DKK2: variants seen among roughly 807,000 people sequenced by gnomAD.
DKK2 encodes the protein dickkopf Wnt signaling pathway inhibitor 2, also known as dickkopf-related protein 2.
Under a neutral mutation model 28.1 loss-of-function variants are expected in DKK2, and 11 were observed. The ratio of observed to expected loss-of-function variants is 0.39; its 90% CI spans 0.25 to 0.65. DKK2 has a LOEUF of 0.65. Among genes scored for constraint, DKK2 ranks in the 30% least tolerant of loss-of-function variants. DKK2 has a pLI of 0.47. For synonymous variants in DKK2, 135 were observed against 126.5 expected, an observed-to-expected ratio of 1.07 and a Z score of -0.45; for missense variants, 326 against 335.5, an observed-to-expected ratio of 0.97 and a Z score of 0.22.
chr4:107,034,566 G>C (rs17037297), intron 1 of DKK2, among the ~76,000 whole-genome samples: 8,636 of 152,244 alleles, frequency 0.057, 464 homozygotes, highest in East Asian at 0.24. Context: ...CCTGCGGAAA[G>C]TTCCCTCTCT....
intron 1 of DKK2, among the ~76,000 whole-genome samples, chr4:107,031,291 G>T (rs73837549): frequency 0.015 from 2,264 of 151,948 alleles, 57 homozygotes; most frequent in African/African-American, 0.052. Flanking sequence ...TTGGGCTGAG[G>T]TTAGAAAAAA....
intron 1 of DKK2, among the ~76,000 whole-genome samples, chr4:107,020,552 A>T (rs1314274651): frequency 2.0e-5 from 3 of 152,086 alleles, no homozygotes; most frequent in African/African-American, 4.8e-5. Flanking sequence ...TGCATTTTTT[A>T]AAAAATAACT....
In DKK2 at chr4:106,925,819, G is replaced by A; in HGVS notation, c.353C>T (p.Pro118Leu). ...KRCHRDGMCCPSTRCNNGICI... is the reference protein window; with the variant it reads ...KRCHRDGMCCLSTRCNNGICI... ...TTTACCATTATTGCAGCGGGTACTG[G>A]GGCAGCACATGCCATCTCGGTGGCA... Residue 118 changes from proline (P) to leucine (L), a missense_variant, in exon 2 of 4, where the codon CCC becomes CTC. Coordinates refer to ENST00000285311, the MANE Select transcript of DKK2 (RefSeq NM_014421.3). 1 of 1,612,272 alleles carries A rather than the reference G, an allele frequency of 6.2e-7. No individual in the cohort carries two copies. Among genetic ancestry groups the A allele is most frequent in the South Asian group, 1.1e-5 (1 of 90,972 alleles).
chr4:106,995,860 T>A (rs1723265053), intron 1 of DKK2, among the ~76,000 whole-genome samples: 1 of 152,152 alleles, frequency 6.6e-6, no homozygotes. Context: ...ATCCACCCGC[T>A]TCTGCCTCCC....
chr4:106,955,103 A>G (rs1722570514), intron 1 of DKK2, among the ~76,000 whole-genome samples: 1 of 152,194 alleles, frequency 6.6e-6, no homozygotes, highest in South Asian at 2.1e-4. Context: ...AGTAATAATG[A>G]ACAAGACATA....
At position 106,924,554 on chromosome 4, in the gene DKK2, G is replaced by A; in HGVS notation, c.520C>T (p.His174Tyr). Residue 174 changes from histidine to tyrosine, a missense_variant, in exon 3 of 4, where the codon CAT becomes TAT. Physicochemically the swap from His to Tyr is moderately conservative, Grantham distance 83. Transcript: ENST00000285311. Reference sequence around the variant, plus strand: ...CTACAGATATCCCTACCTTTTATATGTGACATCTTAGTGTGTGGTCTTCCT... The same window carrying A: ...CTACAGATATCCCTACCTTTTATATATGACATCTTAGTGTGTGGTCTTCCT... Reference protein sequence around the residue: ...NLGRPHTKMSHIKGHEGDPCL... With the variant: ...NLGRPHTKMSYIKGHEGDPCL... 6.2e-7 allele frequency: 1 copy of A among 1,613,256 alleles called. No individual in the cohort carries two copies. The highest frequency in any genetic ancestry group is 8.5e-7 in the Non-Finnish European group (1 of 1,179,536).
chr4:107,021,962 T>C (rs908863686), intron 1 of DKK2, among the ~76,000 whole-genome samples: 5 of 152,122 alleles, frequency 3.3e-5, no homozygotes, highest in African/African-American at 1.2e-4. Context: ...TTACATTTTC[T>C]GTTAATGAGG....
chr4:107,013,545 G>A (rs954447297), intron 1 of DKK2, among the ~76,000 whole-genome samples: 1 of 151,324 alleles, frequency 6.6e-6, no homozygotes, highest in Non-Finnish European at 1.5e-5. Flanking sequence ...ACTTAGAATG[G>A]ATTAACTACT....
chr4:106,935,459 G>C (rs1724567818), intron 1 of DKK2, among the ~76,000 whole-genome samples: 1 of 152,192 alleles, frequency 6.6e-6, no homozygotes, highest in African/African-American at 2.4e-5. Flanking sequence ...TGGCTCGGAG[G>C]GTCCTACACC....
chr4:106,938,590 A>C (rs2110342740), intron 1 of DKK2, among the ~76,000 whole-genome samples: 2 of 152,332 alleles, frequency 1.3e-5, no homozygotes, highest in Middle Eastern at 6.8e-3. Context: ...AAAAAGAGGG[A>C]ATCCTCCCTA....
rs191600414 is a variant in DKK2, at chr4:106,939,107, G to T, written c.223-13158C>A. ...ATTCAACATAGTGTTGGACGTTTTG[G>T]CCAGGGCAATTAGGCAGGAGAAGGA... On this transcript the variant is annotated intron_variant, in intron 1 of 3. Transcript: ENST00000285311. Among the ~76,000 whole-genome samples the T allele has an allele frequency of 3.0e-3, 458 of 152,276 alleles. 3 individuals carry two copies. The highest frequency in any genetic ancestry group is 3.1e-3 in the Non-Finnish European group (210 of 68,034).
intron 1 of DKK2, among the ~76,000 whole-genome samples, chr4:107,013,821 A>T (rs1723549041): frequency 6.6e-6 from 1 of 151,614 alleles, no homozygotes; most frequent in African/African-American, 2.4e-5. Context: ...TAGACTATAT[A>T]AGGAACTCAA....
At chr4:106,961,565 G>GCACACACACACACACACACACA (rs34597899) in intron 1 of DKK2, among the ~76,000 whole-genome samples, 1,909 of 136,202 alleles carry the variant, frequency 0.014, 16 homozygotes, top group Non-Finnish European at 0.021. Flanking sequence ...CCAACAGCCT[G>GCACACACACACACACACACACA]CACACACACA....
chr4:106,999,657 G>A (rs1031423163), intron 1 of DKK2, among the ~76,000 whole-genome samples: 2 of 152,012 alleles, frequency 1.3e-5, no homozygotes, highest in Non-Finnish European at 2.9e-5. Context: ...GTATCTTTTT[G>A]TAAGTAAATT....
intron 1 of DKK2, among the ~76,000 whole-genome samples, chr4:106,931,714 A>G (rs1278116182): frequency 6.6e-6 from 1 of 152,184 alleles, no homozygotes; most frequent in African/African-American, 2.4e-5. Context: ...TTGAAAAATT[A>G]CATAATCTGA....
chr4:106,960,511 C>T (rs1722671341), intron 1 of DKK2, among the ~76,000 whole-genome samples: 1 of 152,078 alleles, frequency 6.6e-6, no homozygotes, highest in African/African-American at 2.4e-5. Flanking sequence ...AAATCCCAGA[C>T]TTTACCACTG....
intron 1 of DKK2, among the ~76,000 whole-genome samples, chr4:106,991,375 C>T (rs983851538): frequency 6.6e-6 from 1 of 152,090 alleles, no homozygotes; most frequent in Admixed American, 6.6e-5. Flanking sequence ...ACTTCATGTT[C>T]TTGCCTGCCA....
At position 106,966,057 on chromosome 4, in the gene DKK2, C is replaced by T. The variant is rs558326521; in HGVS notation, c.223-40108G>A. On this transcript the variant is annotated intron_variant, in intron 1 of 3. Coordinates refer to ENST00000285311, the MANE Select transcript of DKK2 (RefSeq NM_014421.3). ...TGTGAATAGTGCCGCAATAAACATA[C>T]GTGTGCATGTGTCTTTACCGGAACC... Among the ~76,000 whole-genome samples, 253 of 152,014 alleles carry T rather than the reference C, an allele frequency of 1.7e-3. 1 individual carries two copies. The highest frequency in any genetic ancestry group is 5.9e-3 in the African/African-American group (243 of 41,458).
chr4:106,980,314 C>T (rs1250118146), intron 1 of DKK2, among the ~76,000 whole-genome samples: 1 of 151,984 alleles, frequency 6.6e-6, no homozygotes, highest in Non-Finnish European at 1.5e-5. Flanking sequence ...TGTGTATGTA[C>T]ATATATACAC....
Sources: gnomAD v4.1 joint callset for allele counts (sites outside exome capture counted in the v4.1 genomes callset) on GRCh38, gnomAD v4.1.1 for gene constraint, MANE v1.5 for transcripts, NCBI Gene and HGNC (gene_info 2026-07-23, HGNC 2026-07-21) for gene names.